The following ZNF569 variants were observed in gnomAD, a reference collection of about 807,000 sequenced individuals.
ZNF569 encodes zinc finger protein 569.
Under a neutral mutation model 56.3 loss-of-function variants are expected in ZNF569, and 38 were observed. The observed-to-expected ratio is 0.68, with a 90% CI of 0.52 to 0.88. The LOEUF is 0.88. ZNF569 is among the 40% of genes least tolerant of loss of function. ZNF569 has a pLI of 0.00. For synonymous variants in ZNF569, 241 were observed against 262.9 expected, an observed-to-expected ratio of 0.92 and a Z score of 0.81; for missense variants, 666 against 809.2, an observed-to-expected ratio of 0.82 and a Z score of 2.15.
At chr19:37,459,487 T>C (rs1316874201) in intron 2 of ZNF569, among the ~76,000 whole-genome samples, 9 of 152,072 alleles carry the variant, frequency 5.9e-5, no homozygotes, top group African/African-American at 2.2e-4. Context: ...TCCTTCAAAG[T>C]TGAAGGAGAA....
At chr19:37,442,083 T>G (rs914141799) in intron 3 of ZNF569, among the ~76,000 whole-genome samples, 4 of 152,184 alleles carry the variant, frequency 2.6e-5, no homozygotes. Flanking sequence ...CAGAGTGAGT[T>G]TAGAAACACT....
chr19:37,450,099 C>A (rs1308916963), intron 2 of ZNF569, among the ~76,000 whole-genome samples: 1 of 152,132 alleles, frequency 6.6e-6, no homozygotes, highest in Non-Finnish European at 1.5e-5. Flanking sequence ...CTGTGCTCAC[C>A]AGGAATACTG....
intron 3 of ZNF569, among the ~76,000 whole-genome samples, chr19:37,434,132 T>G (rs2041269163): frequency 6.6e-6 from 1 of 151,592 alleles, no homozygotes; most frequent in Admixed American, 6.6e-5. Flanking sequence ...AAACGCCATC[T>G]CTACTAAAAA....
intron 2 of ZNF569, among the ~76,000 whole-genome samples, chr19:37,453,605 T>G (rs1212694747): frequency 1.3e-5 from 2 of 152,218 alleles, no homozygotes; most frequent in African/African-American, 4.8e-5. Flanking sequence ...TAGACAATTT[T>G]TTTCTTGTTA....
At chr19:37,423,587 C>T (rs1434773938) in intron 5 of ZNF569, among the ~76,000 whole-genome samples, 5 of 151,862 alleles carry the variant, frequency 3.3e-5, no homozygotes, top group Non-Finnish European at 7.4e-5. Context: ...TTTAAAAAGT[C>T]GAGGTGGCAA....
chr19:37,429,849 A>G (rs922786881), intron 3 of ZNF569, among the ~76,000 whole-genome samples: 5 of 152,208 alleles, frequency 3.3e-5, no homozygotes, highest in Admixed American at 6.5e-5. Context: ...TTGAAGACAG[A>G]TCACTAAAAA....
intron 3 of ZNF569, among the ~76,000 whole-genome samples, chr19:37,432,257 G>A (rs1436045937): frequency 1.3e-5 from 2 of 152,132 alleles, no homozygotes; most frequent in Admixed American, 6.5e-5. Context: ...CTGACCCAGC[G>A]CAGTCCCAGT....
chr19:37,425,407 T>A (rs2041113094), intron 5 of ZNF569, among the ~76,000 whole-genome samples: 2 of 148,114 alleles, frequency 1.4e-5, no homozygotes, highest in East Asian at 2.1e-4. Flanking sequence ...CTGCAACCTC[T>A]GCCTCCCGGG....
upstream of ZNF569, chr19:37,467,616 A>G (rs1234261071): frequency 1.8e-6 from 1 of 559,780 alleles, no homozygotes; most frequent in African/African-American, 1.9e-5. Context: ...AGGCTAGAAT[A>G]CAGCGGGGTG....
At position 37,464,814 on chromosome 19, in the gene ZNF569, T is replaced by G. The variant is rs192768602; in HGVS notation, c.-44+499A>C. ...CTTCTTCCCTTGACCTCCCTGCTCT[T>G]TCCTCATTCGTCCTCCCATAGGCCA... On this transcript the variant is annotated intron_variant, in intron 2 of 5. Transcript: ENST00000316950. 5.9e-5 allele frequency among the ~76,000 whole-genome samples: 9 copies of G among 152,330 alleles called. No individual in the cohort carries two copies. In the East Asian group the frequency reaches 1.5e-3, roughly 26 times the overall value.
Position 37,414,184 on chromosome 19 carries a change from G to T in ZNF569, c.474C>A (p.Cys158Ter). 3.1e-6 allele frequency: 5 copies of T among 1,613,044 alleles called. No homozygotes were observed. Among genetic ancestry groups the T allele is most frequent in the Non-Finnish European group, 4.2e-6 (5 of 1,179,584 alleles). The change falls in exon 6 of 6, where the codon TGC becomes TGA. Residue 158 changes from cysteine to a stop codon, truncating the protein, a stop_gained. Transcript: ENST00000316950. LOFTEE classifies it high-confidence loss of function. ...HNFDCHNNVK[C>*]LMRKEHCEYN... ...ATTCACAATGCTCCTTTCTCATAAGGCATTTCACATTATTATGACAGTCAA... is the reference window on the plus strand; with the variant it reads ...ATTCACAATGCTCCTTTCTCATAAGTCATTTCACATTATTATGACAGTCAA...
At chr19:37,419,746 A>G (rs1477814176) in intron 5 of ZNF569, among the ~76,000 whole-genome samples, 1 of 152,034 alleles carries the variant, frequency 6.6e-6, no homozygotes, top group Non-Finnish European at 1.5e-5. Context: ...TTAATACTAT[A>G]TACTTAGTCT....
intron 5 of ZNF569, among the ~76,000 whole-genome samples, chr19:37,419,487 C>A (rs970348460): frequency 6.6e-6 from 1 of 151,944 alleles, no homozygotes; most frequent in Non-Finnish European, 1.5e-5. Flanking sequence ...TTTGGGAGGC[C>A]GAGGTGGGTG....
At chr19:37,445,049 T>C in intron 2 of ZNF569, 85 bp from the exon 3 acceptor site, 1 of 967,668 alleles carries the variant, frequency 1.0e-6, no homozygotes. Context: ...AAGGTCACCC[T>C]GTAGTGGAAT....
At chr19:37,428,363 T>C (rs2041170172) in intron 3 of ZNF569, among the ~76,000 whole-genome samples, 1 of 151,652 alleles carries the variant, frequency 6.6e-6, no homozygotes, top group Non-Finnish European at 1.5e-5. Flanking sequence ...AATGAATGAA[T>C]GAATGAATGA....
At position 37,413,782 on chromosome 19, in the gene ZNF569, A is replaced by G. The variant is rs934710201; in HGVS notation, c.876T>C (p.His292=). ...TACATTCATAAGGTTTCTCTCCAGT[A>G]TGAATTTTTTCATGATCAATAAGAT... ...KSNLIDHEKI[H]TGEKPYECNE... Residue 292 remains histidine (H), a synonymous_variant, in exon 6 of 6, where the codon CAT becomes CAC. Transcript: ENST00000316950. The G allele has an allele frequency of 6.2e-6, 10 of 1,613,554 alleles. No individual in the cohort carries two copies. The African/African-American group carries it at 1.3e-4, about 22-fold the overall frequency.
rs2040844426 is a variant in ZNF569 at position 37,411,772 on chromosome 19, C to T, written c.*825G>A. 6.6e-6 allele frequency: 1 copy of T among 151,974 alleles called. No homozygotes were observed. Among genetic ancestry groups the T allele is most frequent in the Non-Finnish European group, 1.5e-5 (1 of 67,956 alleles). 9.4% of individuals were successfully genotyped at this position (151,974 alleles called of 1,614,324 possible). ...CATTTATTAAATAAGCCATTCATTC[C>T]CCAGTGATTTCAATAGCACTGTCAT... is the stretch of plus-strand genomic sequence containing the variant. On this transcript the variant is annotated 3_prime_UTR_variant, in exon 6 of 6. Transcript: ENST00000316950.
intron 3 of ZNF569, among the ~76,000 whole-genome samples, chr19:37,431,196 C>A (rs2041220002): frequency 6.6e-6 from 1 of 152,090 alleles, no homozygotes; most frequent in South Asian, 2.1e-4. Context: ...GTCATGGGAC[C>A]CAGTGAGACA....
chr19:37,433,979 T>C (rs920963321), intron 3 of ZNF569, among the ~76,000 whole-genome samples: 1 of 152,128 alleles, frequency 6.6e-6, no homozygotes. Context: ...GTAATTGTGG[T>C]GTGTAAACTA....
Sources: allele counts gnomAD v4.1 joint callset (sites outside exome capture counted in the v4.1 genomes callset), GRCh38; gene constraint gnomAD v4.1.1; transcripts MANE v1.5; gene names NCBI Gene and HGNC (gene_info 2026-07-23, HGNC 2026-07-21).